The following RNF217 variants were observed in gnomAD, a reference collection of about 807,000 sequenced individuals.
RNF217 encodes the protein E3 ubiquitin-protein ligase RNF217.
RNF217 carries 31 observed loss-of-function variants against 57.8 expected under a neutral mutation model. That is an observed-to-expected ratio of 0.54 (90% confidence interval 0.40 to 0.72). The LOEUF (loss-of-function observed/expected upper bound fraction) is 0.72. Ranked by LOEUF, RNF217 falls within the 30% of genes least tolerant of loss-of-function variation. The pLI, the probability that RNF217 is intolerant of heterozygous loss-of-function variation, is 0.00. For missense variants in RNF217, 696 were observed against 708.3 expected (o/e 0.98, Z 0.20); for synonymous variants, 313 against 294.0 (o/e 1.06, Z -0.66).
At chr6:124,992,937 G>A (rs1784615895) in intron 1 of RNF217, among the ~76,000 whole-genome samples, 1 of 152,050 alleles carries the variant, frequency 6.6e-6, no homozygotes, top group South Asian at 2.1e-4. Flanking sequence ...ATCAGAAAAA[G>A]ACATTGCCAT....
At chr6:125,034,109 G>A (rs1487101553) in intron 1 of RNF217, among the ~76,000 whole-genome samples, 7 of 152,174 alleles carry the variant, frequency 4.6e-5, no homozygotes, top group South Asian at 4.1e-4. Flanking sequence ...TTTGTCAGAT[G>A]AGTAGGTTGC....
intron 2 of RNF217, among the ~76,000 whole-genome samples, chr6:125,056,407 T>C (rs1410306484): frequency 6.6e-6 from 1 of 152,206 alleles, no homozygotes; most frequent in African/African-American, 2.4e-5. Context: ...AACAGAATTT[T>C]AATAAATAAA....
chr6:125,062,708 C>T (rs962284080), intron 3 of RNF217, among the ~76,000 whole-genome samples: 2 of 152,110 alleles, frequency 1.3e-5, no homozygotes, highest in Non-Finnish European at 2.9e-5. Context: ...TCCCAAGTAG[C>T]TGGGATTACA....
intron 1 of RNF217, among the ~76,000 whole-genome samples, chr6:124,974,067 G>A (rs150227522): frequency 3.9e-5 from 6 of 152,198 alleles, no homozygotes; most frequent in African/African-American, 7.2e-5. Flanking sequence ...GGCCTCCCCC[G>A]GAGCCAGCAT....
chr6:124,978,449 C>T (rs894274009), intron 1 of RNF217, among the ~76,000 whole-genome samples: 7 of 151,216 alleles, frequency 4.6e-5, no homozygotes, highest in Admixed American at 2.7e-4. Flanking sequence ...GAGGGGAATG[C>T]GGTGGTGCCT....
chr6:125,061,854 T>G (rs1254117005), intron 3 of RNF217, among the ~76,000 whole-genome samples: 1 of 151,980 alleles, frequency 6.6e-6, no homozygotes, highest in Non-Finnish European at 1.5e-5. Context: ...TTTTCTTTCT[T>G]TATTTGATTT....
At chr6:125,066,285 C>T (rs1259328147) in intron 3 of RNF217, among the ~76,000 whole-genome samples, 1 of 152,138 alleles carries the variant, frequency 6.6e-6, no homozygotes, top group East Asian at 1.9e-4. Flanking sequence ...TCACTCTGCT[C>T]AAAATTGTCT....
chr6:125,082,067 T>C (rs1404525306), intron 5 of RNF217, among the ~76,000 whole-genome samples: 1 of 152,158 alleles, frequency 6.6e-6, no homozygotes, highest in East Asian at 1.9e-4. Context: ...TAGCATGCTT[T>C]AGAATATCCT....
At chr6:125,006,178 G>A (rs1462076562) in intron 1 of RNF217, 1 of 152,188 alleles carries the variant, frequency 6.6e-6, no homozygotes, top group Non-Finnish European at 1.5e-5. Context: ...GAGCATAAAA[G>A]TAGAGTATCC....
chr6:125,027,500 T>C (rs769078573), intron 1 of RNF217, among the ~76,000 whole-genome samples: 1 of 152,240 alleles, frequency 6.6e-6, no homozygotes, highest in Non-Finnish European at 1.5e-5. Context: ...TTCTTTTTTA[T>C]GGCTGAATAG....
chr6:125,053,914 A>G (rs1290149775), intron 2 of RNF217, among the ~76,000 whole-genome samples: 1 of 152,172 alleles, frequency 6.6e-6, no homozygotes, highest in Non-Finnish European at 1.5e-5. Context: ...AAAGTTCATT[A>G]GGACAATGTA....
intron 1 of RNF217, among the ~76,000 whole-genome samples, chr6:124,992,558 T>C (rs968602263): frequency 1.3e-5 from 2 of 152,144 alleles, no homozygotes; most frequent in African/African-American, 4.8e-5. Flanking sequence ...TATTATATAA[T>C]AAAAGTTTAG....
chr6:124,975,719 G>GAGCC (rs1406775898), intron 1 of RNF217, among the ~76,000 whole-genome samples: 4 of 152,082 alleles, frequency 2.6e-5, no homozygotes, highest in Admixed American at 2.6e-4. Context: ...TTACAAGTGT[G>GAGCC]AGCCACTGCA....
At chr6:125,008,479 C>A (rs550737614) in intron 1 of RNF217, among the ~76,000 whole-genome samples, 1 of 152,124 alleles carries the variant, frequency 6.6e-6, no homozygotes, top group Non-Finnish European at 1.5e-5. Flanking sequence ...ATGCATACTG[C>A]GAGTTTGAAT....
At chr6:125,024,131 C>T (rs1785968239) in intron 1 of RNF217, among the ~76,000 whole-genome samples, 1 of 152,092 alleles carries the variant, frequency 6.6e-6, no homozygotes, top group Admixed American at 6.5e-5. Context: ...AAAGAGTACT[C>T]CAAAGCCTGG....
chr6:125,017,365 A>G (rs759268315), intron 1 of RNF217, among the ~76,000 whole-genome samples: 3 of 152,214 alleles, frequency 2.0e-5, no homozygotes, highest in Non-Finnish European at 2.9e-5. Flanking sequence ...GTCCTAAGCA[A>G]GGTTTTTGAA....
At chr6:125,016,891 C>T (rs557975907) in intron 1 of RNF217, among the ~76,000 whole-genome samples, 7 of 152,160 alleles carry the variant, frequency 4.6e-5, no homozygotes, top group African/African-American at 1.7e-4. Context: ...TCCAACAATC[C>T]TGCACGTTCT....
intron 1 of RNF217, among the ~76,000 whole-genome samples, chr6:125,018,297 G>T (rs930628644): frequency 3.9e-5 from 6 of 152,048 alleles, no homozygotes; most frequent in Admixed American, 3.9e-4. Flanking sequence ...ATAAGATCAG[G>T]TGACTAATGG....
intron 3 of RNF217, among the ~76,000 whole-genome samples, chr6:125,075,845 G>A (rs1009955739): frequency 2.0e-5 from 3 of 152,004 alleles, no homozygotes; most frequent in African/African-American, 7.2e-5. Context: ...TTATCGCAAA[G>A]AGTAAAGTCT....
Sources: allele counts gnomAD v4.1 joint callset (sites outside exome capture counted in the v4.1 genomes callset), GRCh38; gene constraint gnomAD v4.1.1; transcripts MANE v1.5; gene names NCBI Gene and HGNC (gene_info 2026-07-23, HGNC 2026-07-21).